The following TMPRSS9 variants were observed in gnomAD, a reference collection of about 807,000 sequenced individuals.
TMPRSS9 encodes the protein transmembrane protease serine 9.
In TMPRSS9, 113 loss-of-function variants were observed where a neutral mutation model predicts 111.4. The ratio of observed to expected loss-of-function variants is 1.01; its 90% CI spans 0.87 to 1.19. The LOEUF is 1.19. Among genes scored for constraint, TMPRSS9 ranks in the 50% most tolerant of loss-of-function variants. The probability of loss-of-function intolerance (pLI) is 0.00; values close to 1 mark genes in which losing one functional copy is unlikely to be tolerated. For missense variants in TMPRSS9, 1,803 were observed against 1,513.1 expected, an observed-to-expected ratio of 1.19 and a Z score of -3.18; for synonymous variants, 805 against 659.1, an observed-to-expected ratio of 1.22 and a Z score of -3.39.
intron 1 of TMPRSS9, among the ~76,000 whole-genome samples, chr19:2,390,387 G>A (rs1009776104): frequency 1.3e-5 from 2 of 150,306 alleles, no homozygotes; most frequent in Non-Finnish European, 3.0e-5. Context: ...GGGACTACAG[G>A]CGCCCGCCAC....
Position 2,424,199 on chromosome 19 carries a change from T to TG in TMPRSS9, c.2660dup (p.Cys887TrpfsTer156). 1 of 1,453,920 alleles carries TG rather than the reference T, an allele frequency of 6.9e-7. No homozygotes were observed. The highest frequency in any genetic ancestry group is 9.1e-7 in the Non-Finnish European group (1 of 1,098,356). The allele number at this position is 1,453,920 out of a possible 1,614,324, so 90.1% of individuals were successfully genotyped here. On this transcript the variant is annotated frameshift_variant, in exon 15 of 18. Transcript: ENST00000648592. LOFTEE classifies it high-confidence loss of function. ...GTGGCTGCGGCGCCGGGAACACCGT[T>TG]GCGGGGCCGTGCTGGTGGCAGAGAG... is the stretch of plus-strand genomic sequence containing the variant.
intron 14 of TMPRSS9, among the ~76,000 whole-genome samples, chr19:2,423,361 C>T (rs1317479385): frequency 6.6e-6 from 1 of 151,354 alleles, no homozygotes; most frequent in Non-Finnish European, 1.5e-5. Context: ...TCCAAGGCCA[C>T]CTGGTCTTAT....
At chr19:2,415,646 C>G (rs765419849) in intron 10 of TMPRSS9, 24 bp from the exon 12 acceptor site, 2 of 1,551,640 alleles carry the variant, frequency 1.3e-6, no homozygotes, top group East Asian at 2.3e-5. Flanking sequence ...GATCCCCAGA[C>G]CTGGTCTTGT....
chr19:2,393,174 A>G (rs531646654), intron 1 of TMPRSS9, among the ~76,000 whole-genome samples: 1 of 152,170 alleles, frequency 6.6e-6, no homozygotes, highest in Non-Finnish European at 1.5e-5. Context: ...GGACCTTTTC[A>G]CAGTGTAGAG....
At chr19:2,369,018 C>A (rs145093448) in intron 1 of TMPRSS9, among the ~76,000 whole-genome samples, 1 of 146,202 alleles carries the variant, frequency 6.8e-6, no homozygotes, top group African/African-American at 2.5e-5. Flanking sequence ...AAGGTGTGAT[C>A]TCGGCTCACT....
intron 1 of TMPRSS9, among the ~76,000 whole-genome samples, chr19:2,384,645 C>G (rs558091623): frequency 6.6e-6 from 1 of 151,784 alleles, no homozygotes; most frequent in East Asian, 2.0e-4. Context: ...GAAACCCCGT[C>G]TCTACTAAAA....
rs552741886 is a variant in TMPRSS9, at chr19:2,393,028, T to A, written c.142+3101T>A. Among the ~76,000 whole-genome samples, 30 of 152,220 alleles carry A rather than the reference T, an allele frequency of 2.0e-4. No homozygotes were observed. In the South Asian group the frequency reaches 6.0e-3, roughly 31 times the overall value. The stretch of plus-strand genomic sequence containing the variant: ...TGTAAACACACCAATCAGCACCCTG[T>A]CAAAACGGACCAGTCAGCTCTCTGT... On this transcript the variant is annotated intron_variant, in intron 1 of 17. Coordinates refer to ENST00000648592, the Ensembl canonical transcript of TMPRSS9.
At chr19:2,413,984 G>C in exon 10 of TMPRSS9, 1 of 1,606,344 alleles carries the variant, frequency 6.2e-7, no homozygotes, top group Non-Finnish European at 8.5e-7. Context: ...TCAGTACCGT[G>C]CCTCTTGACT....
At chr19:2,383,739 G>A (rs59849156) in intron 1 of TMPRSS9, among the ~76,000 whole-genome samples, 9,035 of 149,410 alleles carry the variant, frequency 0.06, 957 homozygotes, top group African/African-American at 0.21. Context: ...AGGAGGTCGA[G>A]GCTGCAGTGA....
Position 2,390,934 on chromosome 19 carries a change from T to C in TMPRSS9, c.142+1007T>C, listed in dbSNP as rs113699123. Reference sequence around the variant, plus strand: ...CTGTAATCTCAACTTTTTGGGAGGCTGAAGTGAGCAGATCATGAGGTCAGG... The same window carrying C: ...CTGTAATCTCAACTTTTTGGGAGGCCGAAGTGAGCAGATCATGAGGTCAGG... On this transcript the variant is annotated intron_variant, in intron 1 of 17. Coordinates refer to ENST00000648592, the Ensembl canonical transcript of TMPRSS9. Among the ~76,000 whole-genome samples, 125 of 151,034 alleles carry C rather than the reference T, an allele frequency of 8.3e-4. 1 individual carries two copies. Among genetic ancestry groups the C allele is most frequent in the African/African-American group, 2.9e-3 (121 of 41,042 alleles).
intron 9 of TMPRSS9, 105 bp from the exon 11 acceptor site, chr19:2,413,595 G>C (rs1174438784): frequency 3.2e-6 from 4 of 1,263,048 alleles, no homozygotes; most frequent in Non-Finnish European, 4.4e-6. Flanking sequence ...TGTGTGGAGA[G>C]AGGTCCTGGC....
chr19:2,424,705 A>G (rs1971562543), intron 15 of TMPRSS9, among the ~76,000 whole-genome samples: 1 of 152,042 alleles, frequency 6.6e-6, no homozygotes, highest in African/African-American at 2.4e-5. Context: ...CAGAGGGGAC[A>G]CCCAGCTCTG....
At chr19:2,393,433 AT>A (rs1970641307) in intron 1 of TMPRSS9, among the ~76,000 whole-genome samples, 1 of 152,160 alleles carries the variant, frequency 6.6e-6, no homozygotes, top group Non-Finnish European at 1.5e-5. Flanking sequence ...GAAGGAAGAA[AT>A]TCCGAACACA....
chr19:2,385,147 C>T (rs960585680), upstream of TMPRSS9, among the ~76,000 whole-genome samples: 3 of 99,790 alleles, frequency 3.0e-5, no homozygotes, highest in Admixed American at 1.4e-4. Flanking sequence ...TCGCAGGGGG[C>T]GGAGCTCGCG....
At chr19:2,364,344 G>T (rs368578777) in intron 1 of TMPRSS9, among the ~76,000 whole-genome samples, 1 of 152,188 alleles carries the variant, frequency 6.6e-6, no homozygotes, top group Non-Finnish European at 1.5e-5. Flanking sequence ...GTTTCTGTGT[G>T]TTGCTCTGAA....
At chr19:2,404,693 C>T (rs531062036) in intron 6 of TMPRSS9, among the ~76,000 whole-genome samples, 10 of 152,030 alleles carry the variant, frequency 6.6e-5, no homozygotes, top group South Asian at 4.2e-4. Context: ...CACTTTGGGA[C>T]GCCGAGGCAG....
chr19:2,379,669 CTTTCTTTCTCTT>C (rs1357028665), intron 1 of TMPRSS9, among the ~76,000 whole-genome samples: 2 of 147,030 alleles, frequency 1.4e-5, no homozygotes, highest in Admixed American at 6.9e-5. Flanking sequence ...TTCTTTCTTT[CTTTCTTTCTCTT>C]TTTCTTTCTT....
intron 13 of TMPRSS9, 120 bp downstream of exon 14, chr19:2,418,258 C>T (rs1409482503): frequency 9.7e-7 from 1 of 1,036,026 alleles, no homozygotes; most frequent in Non-Finnish European, 1.3e-6. Flanking sequence ...CCCCCTCCTT[C>T]CCTCCTTGTC....
exon 11 of TMPRSS9, chr19:2,415,752 G>A (rs139952797): frequency 1.0e-4 from 163 of 1,610,542 alleles, no homozygotes; most frequent in Non-Finnish European, 8.8e-5. Flanking sequence ...TGCCCTGGCA[G>A]GTCAGCCTGA....
Sources: allele counts gnomAD v4.1 joint callset (sites outside exome capture counted in the v4.1 genomes callset), GRCh38; gene constraint gnomAD v4.1.1; transcripts MANE v1.5; gene names NCBI Gene and HGNC (gene_info 2026-07-23, HGNC 2026-07-21).